Variants in ELSPBP1 observed in about 807,000 individuals in gnomAD.
The protein encoded by ELSPBP1 is epididymal sperm-binding protein 1.
ELSPBP1 carries 38 observed loss-of-function variants against 33.3 expected under a neutral mutation model. The ratio of observed to expected loss-of-function variants is 1.14; its 90% CI spans 0.88 to 1.50. The LOEUF (loss-of-function observed/expected upper bound fraction) is 1.50. Ranked by LOEUF, ELSPBP1 falls within the 40% of genes most tolerant of loss-of-function variation. The pLI, the probability that ELSPBP1 is intolerant of heterozygous loss-of-function variation, is 0.00. For synonymous variants in ELSPBP1, 85 were observed against 94.1 expected, an observed-to-expected ratio of 0.90 and a Z score of 0.56; for missense variants, 267 against 263.5, an observed-to-expected ratio of 1.01 and a Z score of -0.09.
At chr19:48,009,458 A>T in intron 2 of ELSPBP1, among the ~76,000 whole-genome samples, 1 of 152,132 alleles carries the variant, frequency 6.6e-6, no homozygotes, top group East Asian at 1.9e-4. Context: ...CCACTAAAAG[A>T]CTGTAAGGTA....
intron 1 of ELSPBP1, among the ~76,000 whole-genome samples, chr19:48,006,621 C>CAAAAAAAAAAAAAAAA (rs1190341508): frequency 3.4e-4 from 7 of 20,866 alleles, no homozygotes; most frequent in Non-Finnish European, 6.0e-4. Context: ...GACCCTGTCT[C>CAAAAAAAAAAAAAAAA]AAAAAAAAAA....
chr19:48,006,257 T>C (rs1967016093), intron 1 of ELSPBP1, among the ~76,000 whole-genome samples: 1 of 152,156 alleles, frequency 6.6e-6, no homozygotes, highest in Non-Finnish European at 1.5e-5. Context: ...TTAATCATCA[T>C]AACAAGGCTG....
chr19:48,000,752 G>A (rs960294190), intron 1 of ELSPBP1, among the ~76,000 whole-genome samples: 2 of 152,202 alleles, frequency 1.3e-5, no homozygotes, highest in African/African-American at 4.8e-5. Flanking sequence ...TTGAGAGGGA[G>A]CCTAAGGTTA....
chr19:48,015,706 G>A (rs150850312), intron 3 of ELSPBP1, among the ~76,000 whole-genome samples, 187 bp from the exon 4 acceptor site: 300 of 152,244 alleles, frequency 2.0e-3, no homozygotes, highest in African/African-American at 6.5e-3. Flanking sequence ...GTGGACCCGA[G>A]TTCAAACTTG....
intron 1 of ELSPBP1, among the ~76,000 whole-genome samples, chr19:47,999,364 ACC>A (rs1186675847): frequency 7.4e-6 from 1 of 134,244 alleles, no homozygotes; most frequent in Non-Finnish European, 1.6e-5. Flanking sequence ...ACTTGTCACC[ACC>A]CCATACTGAA....
At chr19:48,007,483 T>C (rs1340658488) in intron 1 of ELSPBP1, among the ~76,000 whole-genome samples, 1 of 152,136 alleles carries the variant, frequency 6.6e-6, no homozygotes, top group Non-Finnish European at 1.5e-5. Context: ...AGTCAATAAT[T>C]GGGAGCCAGC....
chr19:48,019,757 C>A lies in ELSPBP1; in HGVS notation c.394C>A (p.Pro132Thr), dbSNP rs750648306. The stretch of plus-strand genomic sequence containing the variant: ...TTCTCTCAGGAAGCCCTGCATCTTC[C>A]CCTCCATCTACAGAAATAATGTGGT... The part of the protein sequence containing the change: ...GNSLRKPCIF[P>T]SIYRNNVVSD... Residue 132 changes from proline to threonine, a missense_variant, in exon 5 of 7, where the codon CCC becomes ACC. Physicochemically the swap from Pro to Thr is conservative, Grantham distance 38. Transcript: ENST00000339841. 1.1e-4 allele frequency: 172 copies of A among 1,613,822 alleles called. No individual in the cohort carries two copies. The highest frequency in any genetic ancestry group is 1.4e-4 in the Non-Finnish European group (166 of 1,179,984).
At chr19:47,999,678 A>G (rs2122289277) in intron 1 of ELSPBP1, among the ~76,000 whole-genome samples, 1 of 150,830 alleles carries the variant, frequency 6.6e-6, no homozygotes, top group South Asian at 2.1e-4. Context: ...GTGAGCCACC[A>G]CCCTGGTCAG....
intron 1 of ELSPBP1, among the ~76,000 whole-genome samples, chr19:48,007,297 C>G (rs1328676292): frequency 6.6e-6 from 1 of 152,052 alleles, no homozygotes; most frequent in African/African-American, 2.4e-5. Flanking sequence ...ATAGACAGGC[C>G]CGCACTGACT....
intron 3 of ELSPBP1, among the ~76,000 whole-genome samples, chr19:48,014,617 T>A (rs1967112662): frequency 1.3e-5 from 2 of 151,738 alleles, no homozygotes; most frequent in African/African-American, 4.8e-5. Context: ...GGCACATGTA[T>A]ACATATGTAA....
At chr19:48,016,147 A>T (rs1600109418) in intron 4 of ELSPBP1, 108 bp downstream of exon 4, 1 of 1,326,824 alleles carries the variant, frequency 7.5e-7, no homozygotes. Context: ...CCCAGGGGGA[A>T]GTACTTACAG....
chr19:48,022,399 G>C (rs912211276), intron 6 of ELSPBP1, 65 bp downstream of exon 6: 10 of 1,410,372 alleles, frequency 7.1e-6, no homozygotes, highest in Non-Finnish European at 9.6e-6. Flanking sequence ...CACAACTGGT[G>C]TGTCACTGAT....
chr19:48,001,241 G>A (rs1412602031), intron 1 of ELSPBP1, among the ~76,000 whole-genome samples: 1 of 151,294 alleles, frequency 6.6e-6, no homozygotes, highest in East Asian at 1.9e-4. Flanking sequence ...TGCAATCTTG[G>A]CTCACTGCAA....
intron 1 of ELSPBP1, among the ~76,000 whole-genome samples, chr19:48,005,315 A>G (rs1967007032): frequency 6.6e-6 from 1 of 152,218 alleles, no homozygotes; most frequent in Non-Finnish European, 1.5e-5. Flanking sequence ...CAACAGTTGA[A>G]TAGTTGAGAA....
intron 4 of ELSPBP1, among the ~76,000 whole-genome samples, chr19:48,016,455 C>CTTTT (rs547353510): frequency 5.7e-5 from 7 of 122,456 alleles, no homozygotes; most frequent in Admixed American, 1.7e-4. Context: ...TTTTCTCTTT[C>CTTTT]TTTTCTTTCC....
chr19:48,009,823 G>A (rs575531408), intron 2 of ELSPBP1, among the ~76,000 whole-genome samples: 1 of 152,168 alleles, frequency 6.6e-6, no homozygotes, highest in South Asian at 2.1e-4. Flanking sequence ...ATCCCAGAAG[G>A]GTGCATCTGG....
At chr19:48,009,074 T>G (rs567207526) in intron 2 of ELSPBP1, among the ~76,000 whole-genome samples, 6 of 149,466 alleles carry the variant, frequency 4.0e-5, no homozygotes, top group South Asian at 4.2e-4. Context: ...AGGTGGAGGT[T>G]GCAGTGAGCC....
At chr19:48,008,860 G>A (rs1214070459) in intron 2 of ELSPBP1, 123 bp downstream of exon 2, 3 of 844,048 alleles carry the variant, frequency 3.6e-6, no homozygotes. Flanking sequence ...AAGAAGCTGG[G>A]CGCGGTGGCT....
At chr19:48,016,527 T>C (rs11670978) in intron 4 of ELSPBP1, among the ~76,000 whole-genome samples, 6,958 of 48,522 alleles carry the variant, frequency 0.14, 278 homozygotes, top group African/African-American at 0.22. Context: ...TTTCTTTCTT[T>C]CTTCCTTCCT....
Sources: allele counts gnomAD v4.1 joint callset (sites outside exome capture counted in the v4.1 genomes callset), GRCh38; gene constraint gnomAD v4.1.1; transcripts MANE v1.5; gene names NCBI Gene and HGNC (gene_info 2026-07-23, HGNC 2026-07-21).